The following COX10 variants were observed in gnomAD, a reference collection of about 807,000 sequenced individuals.
COX10 encodes cytochrome c oxidase assembly factor heme A:farnesyltransferase COX10, also known as protoheme IX farnesyltransferase, mitochondrial.
A neutral mutation model predicts 37.3 loss-of-function variants in COX10; 27 were observed. The ratio of observed to expected loss-of-function variants is 0.72; its 90% CI spans 0.53 to 1.00. The LOEUF is 1.00. COX10 is among the 50% of genes least tolerant of loss of function. COX10 has a pLI of 0.00. For synonymous variants in COX10, 222 were observed against 229.1 expected (o/e 0.97, Z 0.28); for missense variants, 475 against 563.2 (o/e 0.84, Z 1.59).
intron 3 of COX10, among the ~76,000 whole-genome samples, chr17:14,089,673 A>G (rs996328970): frequency 6.6e-6 from 1 of 152,208 alleles, no homozygotes; most frequent in Non-Finnish European, 1.5e-5. Context: ...TTTCTTCTTT[A>G]TCCAAGATTC....
At chr17:14,110,231 A>G (rs1386427835) in intron 4 of COX10, among the ~76,000 whole-genome samples, 1 of 152,072 alleles carries the variant, frequency 6.6e-6, no homozygotes, top group Non-Finnish European at 1.5e-5. Flanking sequence ...AAACTTTAAT[A>G]TATGTATGTT....
At position 14,074,437 on chromosome 17, in the gene COX10, T is replaced by A; in HGVS notation, c.158T>A (p.Phe53Tyr). The A allele has an allele frequency of 6.2e-7, 1 of 1,613,956 alleles. No homozygotes were observed. The highest frequency in any genetic ancestry group is 1.1e-5 in the South Asian group (1 of 91,074). Reference sequence around the variant, plus strand: ...AAGCAGTGGATTACATTTCAGCACTTTAGCTTCCTCAAACGCATGGTATGT... The same window carrying A: ...AAGCAGTGGATTACATTTCAGCACTATAGCTTCCTCAAACGCATGGTATGT... Reference protein sequence around the residue: ...VNKQWITFQHFSFLKRMYVTQ... With the variant: ...VNKQWITFQHYSFLKRMYVTQ... Residue 53 changes from phenylalanine (F) to tyrosine (Y), a missense_variant, in exon 2 of 7, where the codon TTT (phenylalanine) becomes TAT (tyrosine). Transcript: ENST00000261643.
chr17:14,170,308 C>T (rs1905422914), intron 5 of COX10, among the ~76,000 whole-genome samples: 1 of 152,108 alleles, frequency 6.6e-6, no homozygotes, highest in African/African-American at 2.4e-5. Flanking sequence ...AAGTTAGATT[C>T]AGTATTATCC....
intron 4 of COX10, among the ~76,000 whole-genome samples, chr17:14,147,838 A>C (rs1904771314): frequency 6.6e-6 from 1 of 151,730 alleles, no homozygotes; most frequent in Non-Finnish European, 1.5e-5. Context: ...GTTGAAAATT[A>C]CAAAAAGGTA....
At chr17:14,069,755 T>C in intron 1 of COX10, 107 bp downstream of exon 1, 2 of 1,387,784 alleles carry the variant, frequency 1.4e-6, no homozygotes, top group East Asian at 2.4e-5. Context: ...CTTGGCGAGG[T>C]TGGCCGGCCA....
At chr17:14,078,445 C>G (rs750114955) in intron 3 of COX10, among the ~76,000 whole-genome samples, 4 of 152,130 alleles carry the variant, frequency 2.6e-5, no homozygotes, top group Admixed American at 6.5e-5. Flanking sequence ...CAGCATTCTT[C>G]GCTTCCTTCA....
intron 6 of COX10, among the ~76,000 whole-genome samples, chr17:14,196,176 A>C (rs1009182877): frequency 6.6e-6 from 1 of 152,194 alleles, no homozygotes; most frequent in Non-Finnish European, 1.5e-5. Flanking sequence ...TTCATCATGC[A>C]AGTGTCAACT....
intron 3 of COX10, among the ~76,000 whole-genome samples, chr17:14,085,687 TAATA>T (rs1915394415): frequency 6.6e-6 from 1 of 152,180 alleles, no homozygotes; most frequent in South Asian, 2.1e-4. Context: ...CATAGTACTA[TAATA>T]AATAAGCTAA....
At chr17:14,153,826 A>G (rs1904970601) in intron 4 of COX10, among the ~76,000 whole-genome samples, 1 of 152,214 alleles carries the variant, frequency 6.6e-6, no homozygotes, top group Non-Finnish European at 1.5e-5. Flanking sequence ...ATAGTTAAAA[A>G]CTATTAGAAA....
At chr17:14,126,108 T>G (rs1031865947) in intron 4 of COX10, among the ~76,000 whole-genome samples, 6 of 152,202 alleles carry the variant, frequency 3.9e-5, no homozygotes, top group Admixed American at 3.9e-4. Flanking sequence ...TGCTGGGTTT[T>G]TTTTTCTTTT....
intron 6 of COX10, among the ~76,000 whole-genome samples, chr17:14,195,552 C>T (rs561126060): frequency 7.9e-5 from 12 of 152,286 alleles, no homozygotes; most frequent in Middle Eastern, 3.4e-3. Flanking sequence ...TCACTTAGAC[C>T]GTACTGCCTG....
intron 3 of COX10, among the ~76,000 whole-genome samples, chr17:14,078,935 G>A (rs2142183859): frequency 6.6e-6 from 1 of 152,136 alleles, no homozygotes; most frequent in Admixed American, 6.5e-5. Flanking sequence ...CCGCCTCCAT[G>A]GGAAACTGGT....
At chr17:14,203,527 A>G (rs1265556047) in intron 6 of COX10, among the ~76,000 whole-genome samples, 1 of 152,154 alleles carries the variant, frequency 6.6e-6, no homozygotes, top group East Asian at 1.9e-4. Context: ...TCTCCCCAGA[A>G]CAATGTGCAT....
intron 4 of COX10, among the ~76,000 whole-genome samples, chr17:14,136,606 A>T (rs1464713360): frequency 1.3e-5 from 2 of 151,998 alleles, no homozygotes; most frequent in Non-Finnish European, 2.9e-5. Flanking sequence ...TACATTTCAA[A>T]ACTTTTAGTG....
chr17:14,094,295 G>T (rs181915748), intron 3 of COX10, among the ~76,000 whole-genome samples: 32 of 150,372 alleles, frequency 2.1e-4, no homozygotes, highest in Admixed American at 7.3e-4. Flanking sequence ...TAATATTTAT[G>T]CTATTATATA....
At chr17:14,142,016 G>A (rs907970413) in intron 4 of COX10, among the ~76,000 whole-genome samples, 2 of 151,902 alleles carry the variant, frequency 1.3e-5, no homozygotes, top group East Asian at 1.9e-4. Flanking sequence ...AAATTTCTCC[G>A]GGATCAGGTT....
chr17:14,119,291 C>G (rs758456336), intron 4 of COX10, among the ~76,000 whole-genome samples: 1 of 152,116 alleles, frequency 6.6e-6, no homozygotes, highest in African/African-American at 2.4e-5. Flanking sequence ...GGTTACATTT[C>G]CTGGTCCTAC....
chr17:14,099,816 G>A (rs1363393152), intron 3 of COX10, among the ~76,000 whole-genome samples: 2 of 151,880 alleles, frequency 1.3e-5, no homozygotes, highest in Non-Finnish European at 1.5e-5. Flanking sequence ...TTTCGTCTGC[G>A]TTCTTTATAT....
At chr17:14,096,216 G>A (rs370417297) in intron 3 of COX10, among the ~76,000 whole-genome samples, 73 of 152,096 alleles carry the variant, frequency 4.8e-4, no homozygotes, top group African/African-American at 1.7e-3. Context: ...GGGCCACCAT[G>A]ACCCAGTCAC....
Sources: gnomAD v4.1 joint callset for allele counts (sites outside exome capture counted in the v4.1 genomes callset) on GRCh38, gnomAD v4.1.1 for gene constraint, MANE v1.5 for transcripts, NCBI Gene and HGNC (gene_info 2026-07-23, HGNC 2026-07-21) for gene names.